The following SPRR2B variants were observed in gnomAD, a reference collection of about 807,000 sequenced individuals.
SPRR2B encodes the protein small proline rich protein 2B.
SPRR2B carries 1 observed loss-of-function variant against 1.0 expected under a neutral mutation model. That is an observed-to-expected ratio of 1.01 (90% CI 0.36 to 4.77). The LOEUF is 4.77. Ranked by LOEUF, SPRR2B falls within the 30% of genes most tolerant of loss-of-function variation. SPRR2B has a pLI of 0.16. For missense variants in SPRR2B, 53 were observed against 88.7 expected (o/e 0.60, Z 1.62); for synonymous variants, 27 against 33.4 (o/e 0.81, Z 0.66).
chr1:153,076,583 G>C (rs1236733374), upstream of SPRR2B, among the ~76,000 whole-genome samples: 1 of 152,136 alleles, frequency 6.6e-6, no homozygotes, highest in Non-Finnish European at 1.5e-5. Flanking sequence ...AAATTCTACT[G>C]TAAGTTTGAG....
chr1:153,078,558 C>T, the SPRR2B span, among the ~76,000 whole-genome samples: 1 of 151,948 alleles, frequency 6.6e-6, no homozygotes, highest in Non-Finnish European at 1.5e-5. Flanking sequence ...GTTCCCCTTC[C>T]TGTGTCCATG....
At chr1:153,078,751 T>G in the SPRR2B span, among the ~76,000 whole-genome samples, 4 of 152,238 alleles carry the variant, frequency 2.6e-5, no homozygotes, top group Admixed American at 1.3e-4. Context: ...ATTTTCTTAA[T>G]CCAGTCTATC....
Position 153,070,696 on chromosome 1 carries a change from C to A in SPRR2B, c.144G>T (p.Gln48His). 6.2e-7 allele frequency: 1 copy of A among 1,611,368 alleles called. No individual in the cohort carries two copies. Among genetic ancestry groups the A allele is most frequent in the Non-Finnish European group, 8.5e-7 (1 of 1,179,576 alleles). The change falls in exon 2 of 2, where the codon CAG (glutamine) becomes CAT (histidine). Residue 48 changes from glutamine to histidine, a missense_variant. Coordinates refer to ENST00000368755, the MANE Select transcript of SPRR2B (RefSeq NM_001388198.1). ...CAGGAGGATATTTCTGCTGGCACTG[C>A]TGAGGTGGGCAGGGCTGTGGACACT... is the stretch of plus-strand genomic sequence containing the variant. Reference protein sequence around the residue: ...PPKCPQPCPPQQCQQKYPPVT... With the variant: ...PPKCPQPCPPHQCQQKYPPVT...
the SPRR2B span, among the ~76,000 whole-genome samples, chr1:153,082,437 C>T: frequency 2.2e-4 from 34 of 152,198 alleles, no homozygotes; most frequent in African/African-American, 8.2e-4. Flanking sequence ...GAAGAACACT[C>T]TCCAGGATAG....
At chr1:153,075,866 T>C (rs1198128984), upstream of SPRR2B, among the ~76,000 whole-genome samples, 2 of 152,200 alleles carry the variant, frequency 1.3e-5, no homozygotes, top group Non-Finnish European at 2.9e-5. Context: ...ACATTTATTC[T>C]TATGTGATAA....
At chr1:153,085,313 C>T in the SPRR2B span, among the ~76,000 whole-genome samples, 24,455 of 152,044 alleles carry the variant, frequency 0.16, 3,247 homozygotes, top group East Asian at 0.49. Flanking sequence ...GACAAAATAG[C>T]CAGTAAAGAA....
At chr1:153,083,715 G>A in the SPRR2B span, among the ~76,000 whole-genome samples, 17 of 152,172 alleles carry the variant, frequency 1.1e-4, no homozygotes, top group Non-Finnish European at 2.1e-4. Flanking sequence ...ACCCACTCCC[G>A]CCATGGGCCT....
the SPRR2B span, among the ~76,000 whole-genome samples, chr1:153,083,143 G>A: frequency 2.0e-5 from 3 of 152,082 alleles, no homozygotes; most frequent in Admixed American, 6.5e-5. Context: ...CTACCAACTC[G>A]TGAAGAAATA....
chr1:153,076,564 G>C (rs762956201), upstream of SPRR2B, among the ~76,000 whole-genome samples: 12 of 152,144 alleles, frequency 7.9e-5, no homozygotes, highest in Non-Finnish European at 1.3e-4. Context: ...CATAGGATGA[G>C]AGTCCTGAAA....
Position 153,070,396 on chromosome 1 carries a change from G to C in SPRR2B, c.*225C>G, listed in dbSNP as rs1010872130. 2.3e-5 allele frequency: 19 copies of C among 832,686 alleles called. No individual in the cohort carries two copies. In the African/African-American group the frequency reaches 2.8e-4, roughly 12 times the overall value. 51.6% of individuals were successfully genotyped at this position (832,686 alleles called of 1,614,324 possible). ...TGCTGAAGCTCTGGGAACTGACAAA[G>C]CCAAGGTTCCTTTGCTCAGTCTCCA... On this transcript the variant is annotated 3_prime_UTR_variant, in exon 2 of 2. Coordinates refer to ENST00000368755, the MANE Select transcript of SPRR2B (RefSeq NM_001388198.1).
the SPRR2B span, among the ~76,000 whole-genome samples, chr1:153,077,260 T>C: frequency 1.4e-4 from 22 of 152,298 alleles, no homozygotes; most frequent in Admixed American, 1.2e-3. Context: ...AAATTGTCCT[T>C]TAAAATGAGG....
At chr1:153,079,343 T>C in the SPRR2B span, among the ~76,000 whole-genome samples, 1 of 152,228 alleles carries the variant, frequency 6.6e-6, no homozygotes, top group Non-Finnish European at 1.5e-5. Flanking sequence ...TAGATTCTTT[T>C]GCTGTGCAGA....
the SPRR2B span, among the ~76,000 whole-genome samples, chr1:153,084,682 A>G: frequency 1.3e-5 from 2 of 152,082 alleles, no homozygotes. Context: ...GCCCAATAGT[A>G]TGCACCCTGC....
chr1:153,076,263 C>A (rs1353923334), upstream of SPRR2B, among the ~76,000 whole-genome samples: 1 of 152,062 alleles, frequency 6.6e-6, no homozygotes, highest in Non-Finnish European at 1.5e-5. Flanking sequence ...AGTGTATAAA[C>A]CTTTTAAATT....
the SPRR2B span, among the ~76,000 whole-genome samples, chr1:153,080,988 A>G: frequency 0.31 from 47,017 of 152,142 alleles, 9,326 homozygotes; most frequent in Non-Finnish European, 0.45. Context: ...ACTCACAAAG[A>G]CATGGTTGAA....
chr1:153,077,714 C>T, the SPRR2B span, among the ~76,000 whole-genome samples: 1 of 151,912 alleles, frequency 6.6e-6, no homozygotes, highest in South Asian at 2.1e-4. Flanking sequence ...CCTCTGGGCT[C>T]AAGCTATTAT....
chr1:153,078,632 C>T, the SPRR2B span, among the ~76,000 whole-genome samples: 2,167 of 151,864 alleles, frequency 0.014, 48 homozygotes, highest in African/African-American at 0.048. Context: ...TTTGTTCTTG[C>T]GATAGTTTGC....
At chr1:153,087,646 A>G in the SPRR2B span, among the ~76,000 whole-genome samples, 1 of 152,326 alleles carries the variant, frequency 6.6e-6, no homozygotes, top group Non-Finnish European at 1.5e-5. Context: ...AAAATATAGA[A>G]AAAACAAATG....
upstream of SPRR2B, among the ~76,000 whole-genome samples, chr1:153,074,282 C>T (rs1654731823): frequency 6.6e-6 from 1 of 152,088 alleles, no homozygotes; most frequent in African/African-American, 2.4e-5. Context: ...TTTGATTCAA[C>T]ATTTTATCTC....
Sources: allele counts gnomAD v4.1 joint callset (sites outside exome capture counted in the v4.1 genomes callset), GRCh38; gene constraint gnomAD v4.1.1; transcripts MANE v1.5; gene names NCBI Gene and HGNC (gene_info 2026-07-23, HGNC 2026-07-21).